The following PTPRD variants were observed in gnomAD, a reference collection of about 807,000 sequenced individuals.
The protein encoded by PTPRD is receptor-type tyrosine-protein phosphatase delta.
A neutral mutation model predicts 214.5 loss-of-function variants in PTPRD; 34 were observed. The observed-to-expected ratio is 0.16, with a 90% CI of 0.12 to 0.21. The LOEUF (loss-of-function observed/expected upper bound fraction) is 0.21. Ranked by LOEUF, PTPRD falls within the 10% of genes least tolerant of loss-of-function variation. PTPRD has a pLI of 1.00. For missense variants in PTPRD, 2,545 were observed against 2,398.7 expected (o/e 1.06, Z -1.27); for synonymous variants, 1,128 against 845.7 (o/e 1.33, Z -5.79).
chr9:8,748,934 C>T (rs1338815055), intron 11 of PTPRD, among the ~76,000 whole-genome samples: 1 of 152,036 alleles, frequency 6.6e-6, no homozygotes, highest in African/African-American at 2.4e-5. Context: ...TCATCATTTT[C>T]TAACTTGCAC....
At chr9:8,758,849 C>A (rs12236571) in intron 11 of PTPRD, among the ~76,000 whole-genome samples, 77,905 of 151,184 alleles carry the variant, frequency 0.52, 20,616 homozygotes, top group Middle Eastern at 0.61. Flanking sequence ...CCACGCTTGG[C>A]TAATTTTTTG....
intron 11 of PTPRD, among the ~76,000 whole-genome samples, chr9:8,834,497 G>A (rs2097370211): frequency 1.3e-5 from 2 of 152,016 alleles, no homozygotes; most frequent in Non-Finnish European, 2.9e-5. Context: ...TCCCAAAACT[G>A]TTCTATAAAG....
rs2099673181 is a variant in PTPRD at position 9,046,755 on chromosome 9, G to C, written c.-142-28020C>G. ...AAAGCAACCATAGGCAATACATAAA[G>C]CATGAGCGTTGATATGTATCAGTAT... is the stretch of plus-strand genomic sequence containing the variant. On this transcript the variant is annotated intron_variant, in intron 10 of 45. Transcript: ENST00000381196. 2.6e-5 allele frequency among the ~76,000 whole-genome samples: 4 copies of C among 152,134 alleles called. No homozygotes were observed. The South Asian group carries it at 8.3e-4, about 31-fold the overall frequency.
Position 9,816,786 on chromosome 9 carries a change from A to C in PTPRD, c.-367-49935T>G, listed in dbSNP as rs1217075201. Among the ~76,000 whole-genome samples the C allele has an allele frequency of 2.6e-5, 4 of 152,058 alleles. No individual in the cohort carries two copies. The East Asian group carries it at 7.7e-4, about 29-fold the overall frequency. Reference sequence around the variant, plus strand: ...ATAAGGTGCATTCCTTTAGTAATAGATAGTGAACTGGAAAAAAAATCCTTC... The same window carrying C: ...ATAAGGTGCATTCCTTTAGTAATAGCTAGTGAACTGGAAAAAAAATCCTTC... On this transcript the variant is annotated intron_variant, in intron 5 of 45. Coordinates refer to ENST00000381196, the MANE Select transcript of PTPRD (RefSeq NM_002839.4).
intron 10 of PTPRD, among the ~76,000 whole-genome samples, chr9:9,129,385 CAATA>C (rs573395972): frequency 1.3e-5 from 2 of 151,968 alleles, no homozygotes; most frequent in Non-Finnish European, 1.5e-5. Context: ...GACTCCGTCT[CAATA>C]AATAAATAAA....
At chr9:9,181,116 C>A (rs1052776907) in intron 10 of PTPRD, among the ~76,000 whole-genome samples, 20 of 151,956 alleles carry the variant, frequency 1.3e-4, no homozygotes, top group African/African-American at 4.8e-4. Flanking sequence ...CCTTGGCCAT[C>A]AGTTTCTTTT....
At chr9:8,628,490 A>AT (rs1175833473) in intron 14 of PTPRD, among the ~76,000 whole-genome samples, 1 of 151,444 alleles carries the variant, frequency 6.6e-6, no homozygotes. Context: ...CAGGGAGCAA[A>AT]TTTTTTCCAT....
At position 8,672,782 on chromosome 9, in the gene PTPRD, C is replaced by T. The variant is rs141055260; in HGVS notation, c.65-35938G>A. Among the ~76,000 whole-genome samples the T allele has an allele frequency of 2.3e-5, 3 of 131,414 alleles. No individual in the cohort carries two copies. In the East Asian group the frequency reaches 6.9e-4, roughly 30 times the overall value. 86.2% of individuals were successfully genotyped at this position (131,414 alleles called of 152,430 possible). A position where few individuals can be genotyped will look rare whatever the true frequency, so the allele number is the denominator to read the frequency against. On this transcript the variant is annotated intron_variant, in intron 12 of 45. Coordinates refer to ENST00000381196, the MANE Select transcript of PTPRD (RefSeq NM_002839.4). ...TAGTTAAGGACCTAAATATAATGTC[C>T]CTAGTTAGCAAGGAACATGTAACAT...
chr9:8,871,601 T>C (rs1398474921), intron 11 of PTPRD, among the ~76,000 whole-genome samples: 2 of 152,152 alleles, frequency 1.3e-5, no homozygotes, highest in Non-Finnish European at 2.9e-5. Context: ...CCTTTGGAAG[T>C]AACTTTGATA....
chr9:9,809,123 T>G (rs1023160717), intron 5 of PTPRD, among the ~76,000 whole-genome samples: 2 of 152,026 alleles, frequency 1.3e-5, no homozygotes, highest in Non-Finnish European at 2.9e-5. Context: ...GTGGCCCTTC[T>G]TTTGGGTCTC....
rs540906924 is a variant in PTPRD, at chr9:9,688,449, C to T, written c.-287+46084G>A. ...GCCCCAATATGTATTTGGTTCCTTCCCCTCAATGTTTTGTTGTTGCTGCTG... is the reference window on the plus strand; with the variant it reads ...GCCCCAATATGTATTTGGTTCCTTCTCCTCAATGTTTTGTTGTTGCTGCTG... On this transcript the variant is annotated intron_variant, in intron 7 of 45. Transcript: ENST00000381196. 3.9e-4 allele frequency among the ~76,000 whole-genome samples: 59 copies of T among 151,890 alleles called. No homozygotes were observed. The South Asian group carries it at 0.011, about 27-fold the overall frequency.
intron 3 of PTPRD, among the ~76,000 whole-genome samples, chr9:10,062,952 G>C (rs1162111074): frequency 6.6e-6 from 1 of 151,996 alleles, no homozygotes; most frequent in Non-Finnish European, 1.5e-5. Flanking sequence ...GTCTTATTTT[G>C]TAGGTACCAT....
At chr9:10,411,408 A>C (rs1252229240) in intron 2 of PTPRD, among the ~76,000 whole-genome samples, 1 of 151,798 alleles carries the variant, frequency 6.6e-6, no homozygotes, top group African/African-American at 2.4e-5. Flanking sequence ...AGTTCTTATC[A>C]ATAATGTATA....
intron 11 of PTPRD, among the ~76,000 whole-genome samples, chr9:8,998,246 A>G (rs1287789156): frequency 2.0e-5 from 3 of 152,100 alleles, no homozygotes; most frequent in African/African-American, 7.2e-5. Context: ...AGAGAAGTCA[A>G]TGCCTGGCTT....
At chr9:10,049,590 T>G (rs554686946) in intron 3 of PTPRD, among the ~76,000 whole-genome samples, 1 of 152,132 alleles carries the variant, frequency 6.6e-6, no homozygotes, top group Non-Finnish European at 1.5e-5. Context: ...GGGAATCTTT[T>G]GAAGAGAAAG....
intron 9 of PTPRD, among the ~76,000 whole-genome samples, chr9:9,195,194 G>T (rs1029835955): frequency 2.0e-5 from 3 of 151,076 alleles, no homozygotes; most frequent in Non-Finnish European, 4.4e-5. Flanking sequence ...AGCCCTCAAA[G>T]CTATGAAAAC....
intron 11 of PTPRD, among the ~76,000 whole-genome samples, chr9:8,807,545 T>G (rs930891623): frequency 6.6e-6 from 1 of 151,930 alleles, no homozygotes; most frequent in African/African-American, 2.4e-5. Context: ...AAAGTTTCAC[T>G]AGTTTTCTGT....
At chr9:10,034,482 C>A (rs957254207) in intron 3 of PTPRD, among the ~76,000 whole-genome samples, 8 of 141,064 alleles carry the variant, frequency 5.7e-5, no homozygotes, top group Non-Finnish European at 1.1e-4. Flanking sequence ...CATAGGGAAA[C>A]GTGTCATAGG....
At chr9:8,376,385 C>A (rs111226651) in intron 38 of PTPRD, among the ~76,000 whole-genome samples, 3,033 of 152,156 alleles carry the variant, frequency 0.02, 90 homozygotes, top group African/African-American at 0.069. Flanking sequence ...ATCTACTCTT[C>A]ATTGGCTGAA....
Sources: allele counts gnomAD v4.1 joint callset (sites outside exome capture counted in the v4.1 genomes callset), GRCh38; gene constraint gnomAD v4.1.1; transcripts MANE v1.5; gene names NCBI Gene and HGNC (gene_info 2026-07-23, HGNC 2026-07-21).